The following ZDHHC14 variants were observed in gnomAD, a reference collection of about 807,000 sequenced individuals.
ZDHHC14 encodes the protein palmitoyltransferase ZDHHC14.
ZDHHC14 carries 16 observed loss-of-function variants against 47.7 expected under a neutral mutation model. The observed-to-expected ratio is 0.34, with a 90% CI of 0.23 to 0.51. ZDHHC14 has a LOEUF of 0.51. Ranked by LOEUF, ZDHHC14 falls within the 20% of genes least tolerant of loss-of-function variation. The probability of loss-of-function intolerance (pLI) is 0.97; values close to 1 mark genes in which losing one functional copy is unlikely to be tolerated. For synonymous variants in ZDHHC14, 293 were observed against 278.9 expected (o/e 1.05, Z -0.50); for missense variants, 515 against 662.5 (o/e 0.78, Z 2.44).
chr6:157,627,520 A>G (rs1417349788), intron 3 of ZDHHC14, among the ~76,000 whole-genome samples: 1 of 152,246 alleles, frequency 6.6e-6, no homozygotes, highest in Non-Finnish European at 1.5e-5. Context: ...AATGCATTAC[A>G]GACTTTGTGT....
At position 157,420,161 on chromosome 6, in the gene ZDHHC14, G is replaced by T. The variant is rs1471454619; in HGVS notation, c.245+37895G>T. 3.9e-5 allele frequency among the ~76,000 whole-genome samples: 6 copies of T among 152,188 alleles called. No homozygotes were observed. In the East Asian group the frequency reaches 1.2e-3, roughly 29 times the overall value. ...AATCGAGGCACTGATGAGAGAGAAG[G>T]TATAGTCATTGAAGGGGTGGGCTGA... On this transcript the variant is annotated intron_variant, in intron 1 of 8. Coordinates refer to ENST00000359775, the MANE Select transcript of ZDHHC14 (RefSeq NM_024630.3).
At chr6:157,508,986 A>C (rs1352878784) in intron 1 of ZDHHC14, among the ~76,000 whole-genome samples, 2 of 152,146 alleles carry the variant, frequency 1.3e-5, no homozygotes, top group Non-Finnish European at 2.9e-5. Flanking sequence ...TGGTTGGAGG[A>C]CACAAGTTCC....
chr6:157,529,921 A>G (rs1177394942), intron 1 of ZDHHC14, among the ~76,000 whole-genome samples: 4 of 152,178 alleles, frequency 2.6e-5, no homozygotes, highest in African/African-American at 9.7e-5. Context: ...ACCTCTTATA[A>G]GTCTTATCAG....
At chr6:157,585,210 A>T (rs551941929) in intron 2 of ZDHHC14, among the ~76,000 whole-genome samples, 10 of 152,186 alleles carry the variant, frequency 6.6e-5, no homozygotes, top group South Asian at 2.1e-4. Flanking sequence ...TCCATCTCAA[A>T]AAATAAATAA....
rs1778244175 is a variant in ZDHHC14, at chr6:157,427,446, C to T, written c.245+45180C>T. Among the ~76,000 whole-genome samples, 1 of 152,116 alleles carries T rather than the reference C, an allele frequency of 6.6e-6. No homozygotes were observed. Among genetic ancestry groups the T allele is most frequent in the African/African-American group, 2.4e-5 (1 of 41,428 alleles). On this transcript the variant is annotated intron_variant, in intron 1 of 8. Coordinates refer to ENST00000359775, the MANE Select transcript of ZDHHC14 (RefSeq NM_024630.3). This position sits in a 1 kb window ranked among gnomAD's most constrained non-coding sequence, Gnocchi z 4.4. ...GGGAATCTGCTTCCCACTCTGCTTTCTCCAGCAGGGCCTACCAGCATGGGT... is the reference window on the plus strand; with the variant it reads ...GGGAATCTGCTTCCCACTCTGCTTTTTCCAGCAGGGCCTACCAGCATGGGT...
intron 1 of ZDHHC14, among the ~76,000 whole-genome samples, chr6:157,507,460 T>C (rs1489103258): frequency 1.3e-5 from 2 of 152,138 alleles, no homozygotes; most frequent in African/African-American, 4.8e-5. Context: ...TTTTGTATTT[T>C]TAGTTGAGAA....
chr6:157,450,060 G>C (rs1254263014), intron 1 of ZDHHC14, among the ~76,000 whole-genome samples: 2 of 152,052 alleles, frequency 1.3e-5, no homozygotes, highest in African/African-American at 4.8e-5. Context: ...TATATCATAA[G>C]AGATTAATAA....
intron 3 of ZDHHC14, among the ~76,000 whole-genome samples, chr6:157,602,405 G>T (rs997824750): frequency 6.8e-6 from 1 of 148,114 alleles, no homozygotes; most frequent in Non-Finnish European, 1.5e-5. Flanking sequence ...CAGGAGAATC[G>T]CTTGAACCTG....
chr6:157,567,427 G>C (rs1782943421), intron 2 of ZDHHC14, among the ~76,000 whole-genome samples: 1 of 152,256 alleles, frequency 6.6e-6, no homozygotes, highest in South Asian at 2.1e-4. Context: ...TCCACCTGTG[G>C]TTGCGGGCTT....
intron 1 of ZDHHC14, among the ~76,000 whole-genome samples, chr6:157,527,665 T>C (rs150091739): frequency 0.011 from 1,604 of 152,358 alleles, 18 homozygotes; most frequent in Non-Finnish European, 0.018. Flanking sequence ...GTGGCCTTGC[T>C]TGGTGGACCT....
intron 3 of ZDHHC14, among the ~76,000 whole-genome samples, chr6:157,605,626 C>T (rs911670759): frequency 2.6e-5 from 4 of 152,128 alleles, no homozygotes; most frequent in East Asian, 3.8e-4. Context: ...AGGTTCATAA[C>T]GGTTCATGGA....
chr6:157,504,053 CA>C (rs1780253901), intron 1 of ZDHHC14, among the ~76,000 whole-genome samples: 2 of 151,854 alleles, frequency 1.3e-5, no homozygotes. Flanking sequence ...TTCACAATAG[CA>C]AAAAACTGGA....
At chr6:157,438,201 C>T (rs1487002623) in intron 1 of ZDHHC14, among the ~76,000 whole-genome samples, 3 of 152,016 alleles carry the variant, frequency 2.0e-5, no homozygotes, top group African/African-American at 7.2e-5. Context: ...ACTTCTTGAA[C>T]AGGTTGCTAA....
chr6:157,466,543 C>A (rs958673906), intron 1 of ZDHHC14, among the ~76,000 whole-genome samples: 4 of 152,188 alleles, frequency 2.6e-5, no homozygotes, highest in Non-Finnish European at 4.4e-5. Flanking sequence ...AAATTAAATT[C>A]TTTTGTTTTT....
intron 1 of ZDHHC14, among the ~76,000 whole-genome samples, chr6:157,421,886 G>T (rs1375113633): frequency 6.6e-6 from 1 of 152,138 alleles, no homozygotes; most frequent in South Asian, 2.1e-4. Context: ...GGGATTACAG[G>T]TGTGAGCCAC....
chr6:157,648,620 G>T (rs994379627), intron 7 of ZDHHC14, among the ~76,000 whole-genome samples: 2 of 152,186 alleles, frequency 1.3e-5, no homozygotes, highest in Admixed American at 6.5e-5. Context: ...AGGCACCCCT[G>T]ACCTCCTCAG....
chr6:157,637,836 TA>T (rs1777058585), intron 5 of ZDHHC14, among the ~76,000 whole-genome samples: 1 of 152,116 alleles, frequency 6.6e-6, no homozygotes, highest in Admixed American at 6.5e-5. Context: ...AATATCCAAC[TA>T]AAAACAATGT....
At chr6:157,557,958 G>C (rs1020202102) in intron 2 of ZDHHC14, among the ~76,000 whole-genome samples, 2 of 152,212 alleles carry the variant, frequency 1.3e-5, no homozygotes, top group African/African-American at 4.8e-5. Context: ...TATAATGTGA[G>C]CCACACATGC....
At position 157,586,554 on chromosome 6, in the gene ZDHHC14, A is replaced by G. The variant is rs1233684935; in HGVS notation, c.407-6434A>G. Among the ~76,000 whole-genome samples the G allele has an allele frequency of 2.0e-5, 3 of 152,264 alleles. No individual in the cohort carries two copies. The East Asian group carries it at 5.8e-4, about 29-fold the overall frequency. On this transcript the variant is annotated intron_variant, in intron 2 of 8. Coordinates refer to ENST00000359775, the MANE Select transcript of ZDHHC14 (RefSeq NM_024630.3). The surrounding 1 kb of genome is among the most constrained non-coding windows in gnomAD (Gnocchi z 4.6). The stretch of plus-strand genomic sequence containing the variant: ...GCCTGAGTTTCTTGATGGGACTTGC[A>G]TTTAGAAAGCTGACTCTTTAAGGGC...
Sources: allele counts gnomAD v4.1 joint callset (sites outside exome capture counted in the v4.1 genomes callset), GRCh38; gene constraint gnomAD v4.1.1; non-coding constraint Gnocchi (gnomAD v3.1); transcripts MANE v1.5; gene names NCBI Gene and HGNC (gene_info 2026-07-23, HGNC 2026-07-21).